The following SUGP2 variants were observed in gnomAD, a reference collection of about 807,000 sequenced individuals.
The protein encoded by SUGP2 is SURP and G-patch domain-containing protein 2.
Under a neutral mutation model 90.5 loss-of-function variants are expected in SUGP2, and 24 were observed. The observed-to-expected ratio is 0.27, with a 90% CI of 0.19 to 0.37. The LOEUF (loss-of-function observed/expected upper bound fraction) is 0.37, where lower values mean the gene tolerates loss of function less well. Ranked by LOEUF, SUGP2 falls within the 10% of genes least tolerant of loss-of-function variation. SUGP2 has a pLI of 1.00. For missense variants in SUGP2, 1,233 were observed against 1,363.3 expected (o/e 0.90, Z 1.51); for synonymous variants, 473 against 513.4 (o/e 0.92, Z 1.06).
chr19:19,016,461 A>G (rs1204982178), intron 4 of SUGP2, among the ~76,000 whole-genome samples: 1 of 152,132 alleles, frequency 6.6e-6, no homozygotes, highest in African/African-American at 2.4e-5. Context: ...CAGGCCTCTC[A>G]GGGCCTCCTA....
intron 4 of SUGP2, among the ~76,000 whole-genome samples, chr19:19,018,602 G>A (rs972938045): frequency 2.8e-5 from 4 of 140,974 alleles, no homozygotes; most frequent in African/African-American, 7.9e-5. Flanking sequence ...CAGGACAAAG[G>A]CATGAACCCG....
At chr19:19,031,282 C>T (rs2059139667) in intron 1 of SUGP2, among the ~76,000 whole-genome samples, 200 bp from the exon 2 acceptor site, 1 of 152,020 alleles carries the variant, frequency 6.6e-6, no homozygotes, top group Non-Finnish European at 1.5e-5. Flanking sequence ...ACCTGTAATC[C>T]CAGGACTTTG....
chr19:19,012,313 A>G (rs2058340314), intron 4 of SUGP2, among the ~76,000 whole-genome samples: 1 of 152,212 alleles, frequency 6.6e-6, no homozygotes, highest in African/African-American at 2.4e-5. Context: ...AGCCCCAGCA[A>G]GGCAACTCCT....
At chr19:19,022,893 G>C (rs1474626694) in intron 3 of SUGP2, among the ~76,000 whole-genome samples, 1 of 152,140 alleles carries the variant, frequency 6.6e-6, no homozygotes, top group Non-Finnish European at 1.5e-5. Flanking sequence ...CTGGACTGGG[G>C]GCAATGGAAG....
At chr19:19,021,541 G>A (rs1264836745) in intron 3 of SUGP2, among the ~76,000 whole-genome samples, 1 of 152,112 alleles carries the variant, frequency 6.6e-6, no homozygotes, top group Non-Finnish European at 1.5e-5. Flanking sequence ...CCACGAACAA[G>A]GGTCAGAAAG....
intron 2 of SUGP2, among the ~76,000 whole-genome samples, chr19:19,028,931 C>T (rs1463045270): frequency 1.3e-5 from 2 of 152,284 alleles, no homozygotes; most frequent in South Asian, 4.1e-4. Context: ...AGGTGATCTG[C>T]CCACCTTGGC....
intron 2 of SUGP2, among the ~76,000 whole-genome samples, chr19:19,027,210 G>A (rs964433789): frequency 5.3e-5 from 8 of 152,154 alleles, no homozygotes; most frequent in Admixed American, 3.3e-4. Flanking sequence ...AGTGAACTAC[G>A]GGCATATGAG....
At chr19:18,997,782 CAAAA>C (rs35875282) in intron 8 of SUGP2, among the ~76,000 whole-genome samples, 8 of 88,280 alleles carry the variant, frequency 9.1e-5, no homozygotes, top group Admixed American at 2.6e-4. Flanking sequence ...GACTCCGTCT[CAAAA>C]AAAAAAAAAA....
chr19:19,020,726 C>A (rs1255786397), intron 3 of SUGP2, among the ~76,000 whole-genome samples: 1 of 151,972 alleles, frequency 6.6e-6, no homozygotes, highest in Non-Finnish European at 1.5e-5. Flanking sequence ...GCATGAGACA[C>A]CATGCCCTGC....
At chr19:19,028,586 G>A (rs79075118) in intron 2 of SUGP2, among the ~76,000 whole-genome samples, 3,497 of 152,290 alleles carry the variant, frequency 0.023, 130 homozygotes, top group African/African-American at 0.08. Context: ...AGTTCAGAGT[G>A]GAGCAGAGAA....
In SUGP2 at chr19:19,024,189, A is replaced by C. The variant is rs919561664; in HGVS notation, c.1729+430T>G. On this transcript the variant is annotated intron_variant, in intron 3 of 10. Coordinates refer to ENST00000452918, the MANE Select transcript of SUGP2 (RefSeq NM_001017392.5). ...CAGTGGGGTGATCTCAGCTCACTGA[A>C]ACCTCCGCCTCCCAGGTCCAAGTGG... Among the ~76,000 whole-genome samples, 3 of 152,098 alleles carry C rather than the reference A, an allele frequency of 2.0e-5. No individual in the cohort carries two copies. In the East Asian group the frequency reaches 5.8e-4, roughly 29 times the overall value.
At chr19:18,994,666 G>A in intron 9 of SUGP2, 180 bp from the exon 10 acceptor site, 2 of 877,490 alleles carry the variant, frequency 2.3e-6, no homozygotes, top group Admixed American at 3.0e-5. Flanking sequence ...CACCCTCGAA[G>A]AGCTGGCTTT....
rs1568360301 is a variant in SUGP2, at chr19:18,991,164, A to G, written c.*2577T>C. The G allele has an allele frequency of 6.6e-6, 1 of 152,204 alleles. No individual in the cohort carries two copies. Among genetic ancestry groups the G allele is most frequent in the Non-Finnish European group, 1.5e-5 (1 of 68,038 alleles). 9.4% of individuals were successfully genotyped at this position (152,204 alleles called of 1,614,324 possible). A position where few individuals can be genotyped will look rare whatever the true frequency, so the allele number is the denominator to read the frequency against. On this transcript the variant is annotated 3_prime_UTR_variant, in exon 11 of 11. Transcript: ENST00000452918. ...TGACCCTGGAACTAGAACGACAGAA[A>G]AGACACTGTGACTTTGACACGGCTG...
intron 7 of SUGP2, 56 bp downstream of exon 7, chr19:19,004,112 A>G (rs1346732707): frequency 7.3e-7 from 1 of 1,366,188 alleles, no homozygotes; most frequent in African/African-American, 1.5e-5. Flanking sequence ...TAACTCTCAC[A>G]GCCCACCAAC....
rs1420274938 is a variant in SUGP2, at chr19:19,007,790, C to T, written c.2450+527G>A. On this transcript the variant is annotated intron_variant, in intron 6 of 10. Transcript: ENST00000452918. Reference sequence around the variant, plus strand: ...TTTTTTTTTTTTGGAGATGAAGTCTCGCTCTGTTGCCCAGGCTGGAATGCA... The same window carrying T: ...TTTTTTTTTTTTGGAGATGAAGTCTTGCTCTGTTGCCCAGGCTGGAATGCA... Among the ~76,000 whole-genome samples, 3 of 123,842 alleles carry T rather than the reference C, an allele frequency of 2.4e-5. No individual in the cohort carries two copies. The Admixed American group carries it at 2.7e-4, about 11-fold the overall frequency. The allele number at this position is 123,842 out of a possible 152,430, so 81.2% of individuals were successfully genotyped here.
rs2058872775 is a variant in SUGP2, at chr19:19,025,151, A to G, written c.1197T>C (p.Asp399=). ...KHSALKTPRV[D]NEFLNMLLDK... is the part of the protein sequence containing the mutation. ...CTAAAAGCATGTTTAAAAACTCATT[A>G]TCAACTCTGGGTGTTTTCAAAGCAG... Residue 399 remains aspartate, a synonymous_variant, in exon 3 of 11, where the codon GAT becomes GAC. Coordinates refer to ENST00000452918, the MANE Select transcript of SUGP2 (RefSeq NM_001017392.5). 1 of 1,612,596 alleles carries G rather than the reference A, an allele frequency of 6.2e-7. No homozygotes were observed. Among genetic ancestry groups the G allele is most frequent in the Non-Finnish European group, 8.5e-7 (1 of 1,179,794 alleles).
chr19:18,994,234 G>T, intron 10 of SUGP2, 132 bp downstream of exon 10: 1 of 1,272,928 alleles, frequency 7.9e-7, no homozygotes, highest in Non-Finnish European at 1.1e-6. Flanking sequence ...TTCCCTCACA[G>T]AATTTTGTGA....
intron 1 of SUGP2, among the ~76,000 whole-genome samples, chr19:19,031,607 G>A (rs1173055353): frequency 9.2e-5 from 14 of 151,932 alleles, no homozygotes; most frequent in Non-Finnish European, 2.9e-5. Flanking sequence ...GGAGGCTGAG[G>A]CATGGGAATT....
intron 6 of SUGP2, chr19:19,007,432 G>C (rs1478670533): frequency 6.6e-6 from 1 of 152,336 alleles, no homozygotes; most frequent in Non-Finnish European, 1.5e-5. Flanking sequence ...TGATGCCCGA[G>C]ATGAAGGCAG....
Sources: allele counts gnomAD v4.1 joint callset (sites outside exome capture counted in the v4.1 genomes callset), GRCh38; gene constraint gnomAD v4.1.1; transcripts MANE v1.5; gene names NCBI Gene and HGNC (gene_info 2026-07-23, HGNC 2026-07-21).